ELP4: variants seen among roughly 807,000 people sequenced by gnomAD.
ELP4 encodes elongator complex protein 4.
In ELP4, 51 loss-of-function variants were observed where a neutral mutation model predicts 48.9. The ratio of observed to expected loss-of-function variants is 1.04; its 90% CI spans 0.83 to 1.32. The LOEUF is 1.32. Among genes scored for constraint, ELP4 ranks in the 40% most tolerant of loss-of-function variants. The probability of loss-of-function intolerance (pLI) is 0.00; values close to 1 mark genes in which losing one functional copy is unlikely to be tolerated. For synonymous variants in ELP4, 210 were observed against 189.2 expected, an observed-to-expected ratio of 1.11 and a Z score of -0.90; for missense variants, 519 against 514.6, an observed-to-expected ratio of 1.01 and a Z score of -0.08.
chr11:31,551,093 C>T (rs747291206), intron 3 of ELP4, among the ~76,000 whole-genome samples: 1 of 152,154 alleles, frequency 6.6e-6, no homozygotes, highest in African/African-American at 2.4e-5. Flanking sequence ...CTGATTTTGG[C>T]ATAGCAGTTT....
In ELP4 at chr11:31,785,667, G is replaced by C. The variant is rs951219281; in HGVS notation, c.*2143G>C. The C allele has an allele frequency of 6.2e-5, 12 of 195,068 alleles. No homozygotes were observed. Among genetic ancestry groups the C allele is most frequent in the Non-Finnish European group, 8.5e-5 (8 of 93,882 alleles). The allele number at this position is 195,068 out of a possible 1,614,324, so 12.1% of individuals were successfully genotyped here. ...CTTTGTAAAAATAAGCTACTGGAGA[G>C]GGGTGTGTATTTTTGTCTTCCTCTG... On this transcript the variant is annotated 3_prime_UTR_variant, in exon 10 of 10. Transcript: ENST00000640961.
chr11:31,546,327 T>A (rs1157011422), intron 3 of ELP4, among the ~76,000 whole-genome samples: 1 of 151,682 alleles, frequency 6.6e-6, no homozygotes, highest in East Asian at 1.9e-4. Flanking sequence ...AAGGCAGGGG[T>A]TGCAATCCGA....
chr11:31,613,237 C>A (rs1220720616), intron 5 of ELP4, among the ~76,000 whole-genome samples: 3 of 152,048 alleles, frequency 2.0e-5, no homozygotes, highest in Non-Finnish European at 4.4e-5. Flanking sequence ...ATAGCAGAAT[C>A]CTATTTACAT....
chr11:31,679,173 A>G (rs7952107), intron 9 of ELP4, among the ~76,000 whole-genome samples: 141,688 of 152,238 alleles, frequency 0.93, 66,526 homozygotes, highest in South Asian at 1. Context: ...CCATTTGTTT[A>G]TTGACTATAT....
intron 9 of ELP4, among the ~76,000 whole-genome samples, chr11:31,701,644 C>T (rs1196241117): frequency 1.3e-5 from 2 of 150,786 alleles, no homozygotes; most frequent in Non-Finnish European, 3.0e-5. Flanking sequence ...ATGTTTTTTC[C>T]TGTATTTTCA....
intron 3 of ELP4, among the ~76,000 whole-genome samples, chr11:31,544,435 G>A (rs948399006): frequency 5.9e-5 from 9 of 152,232 alleles, no homozygotes; most frequent in Non-Finnish European, 8.8e-5. Context: ...CAAGGCGGCA[G>A]TGAGGCTGGG....
intron 9 of ELP4, among the ~76,000 whole-genome samples, chr11:31,709,223 C>T (rs942547621): frequency 4.6e-5 from 7 of 152,060 alleles, no homozygotes; most frequent in Non-Finnish European, 7.4e-5. Context: ...CATATGCATA[C>T]GACCTGGTGT....
intron 9 of ELP4, among the ~76,000 whole-genome samples, chr11:31,745,523 G>A (rs537125750): frequency 9.9e-5 from 15 of 152,268 alleles, no homozygotes; most frequent in East Asian, 9.6e-4. Context: ...AAACAGCATG[G>A]TACTGGTACC....
At chr11:31,584,735 G>A (rs1419454929) in intron 3 of ELP4, among the ~76,000 whole-genome samples, 1 of 152,016 alleles carries the variant, frequency 6.6e-6, no homozygotes, top group Admixed American at 6.6e-5. Context: ...GTGTTGGGCA[G>A]GCTGGTCTCA....
At chr11:31,663,075 G>A (rs1037297623) in intron 9 of ELP4, 1 of 151,976 alleles carries the variant, frequency 6.6e-6, no homozygotes, top group Non-Finnish European at 1.5e-5. Flanking sequence ...AATGTTACCA[G>A]ATCGATAATA....
At chr11:31,530,356 A>C (rs1423004850) in intron 2 of ELP4, among the ~76,000 whole-genome samples, 1 of 152,180 alleles carries the variant, frequency 6.6e-6, no homozygotes, top group Non-Finnish European at 1.5e-5. Flanking sequence ...CGTAACAAAA[A>C]CTTGAGAGCT....
chr11:31,721,326 G>T (rs1044063949), intron 9 of ELP4, among the ~76,000 whole-genome samples: 3 of 151,940 alleles, frequency 2.0e-5, no homozygotes, highest in Non-Finnish European at 4.4e-5. Context: ...TTTTGATTTT[G>T]GTATGCATGA....
Position 31,783,469 on chromosome 11 carries a change from G to A in ELP4, c.1220G>A (p.Arg407Gln), listed in dbSNP as rs77542962. 33 of 1,613,984 alleles carry A rather than the reference G, an allele frequency of 2.0e-5. No homozygotes were observed. Among genetic ancestry groups the A allele is most frequent in the Middle Eastern group, 1.6e-4 (1 of 6,080 alleles). ...SKMDLAESAK[R>Q]LGPGCGMMAG... ...ATGGATCTGGCAGAATCCGCCAAGCGGCTGGGCCCAGGCTGTGGCATGATG... is the reference window on the plus strand; with the variant it reads ...ATGGATCTGGCAGAATCCGCCAAGCAGCTGGGCCCAGGCTGTGGCATGATG... Residue 407 changes from arginine to glutamine, a missense_variant, in exon 10 of 10, where the codon CGG becomes CAG. Coordinates refer to ENST00000640961, the MANE Select transcript of ELP4 (RefSeq NM_019040.5).
chr11:31,520,122 C>T (rs1299336214), intron 2 of ELP4, 31 bp downstream of exon 2: 1 of 1,585,862 alleles, frequency 6.3e-7, no homozygotes, highest in Admixed American at 1.8e-5. Context: ...TTGCTCTCCT[C>T]TATCATTGTT....
chr11:31,694,706 T>G (rs1011208555), intron 9 of ELP4, among the ~76,000 whole-genome samples: 1 of 152,212 alleles, frequency 6.6e-6, no homozygotes, highest in Admixed American at 6.5e-5. Flanking sequence ...AAGAAAGTCA[T>G]TGGTAGCTTA....
At chr11:31,589,345 C>G (rs184297145) in intron 3 of ELP4, among the ~76,000 whole-genome samples, 9 of 152,106 alleles carry the variant, frequency 5.9e-5, no homozygotes, top group African/African-American at 2.2e-4. Context: ...CATGAAATGT[C>G]GAAGAATATC....
intron 9 of ELP4, among the ~76,000 whole-genome samples, chr11:31,753,938 TA>T (rs1400122010): frequency 6.6e-6 from 1 of 152,232 alleles, no homozygotes; most frequent in Non-Finnish European, 1.5e-5. Flanking sequence ...GAATCTTCAC[TA>T]TTCTTTTATT....
In ELP4 at chr11:31,650,119, G is replaced by T. The variant is rs753996266; in HGVS notation, c.1041G>T (p.Leu347Phe). ...TTTTAATTTCTTTTCCACAAGGATTGATTCATATACGGCAGATTCCTCGGC... is the reference window on the plus strand; with the variant it reads ...TTTTAATTTCTTTTCCACAAGGATTTATTCATATACGGCAGATTCCTCGGC... ...TNPLYKDYHG[L>F]IHIRQIPRLN... Residue 347 changes from leucine (L) to phenylalanine (F), a missense_variant, in exon 9 of 10, where the codon TTG (leucine) becomes TTT (phenylalanine). By Grantham distance (22) the Leu-to-Phe change is conservative. Transcript: ENST00000640961. 3 of 1,337,830 alleles carry T rather than the reference G, an allele frequency of 2.2e-6. No homozygotes were observed. Among genetic ancestry groups the T allele is most frequent in the East Asian group, 4.7e-5 (2 of 42,808 alleles). 82.9% of individuals were successfully genotyped at this position (1,337,830 alleles called of 1,614,324 possible).
chr11:31,548,214 C>T (rs1257670458), intron 3 of ELP4, among the ~76,000 whole-genome samples: 2 of 152,160 alleles, frequency 1.3e-5, no homozygotes, highest in African/African-American at 4.8e-5. Flanking sequence ...TTACAGATGA[C>T]GTGATTGTAT....
Sources: allele counts gnomAD v4.1 joint callset (sites outside exome capture counted in the v4.1 genomes callset), GRCh38; gene constraint gnomAD v4.1.1; transcripts MANE v1.5; gene names NCBI Gene and HGNC (gene_info 2026-07-23, HGNC 2026-07-21).